The following SEC14L5 variants were observed in gnomAD, a reference collection of about 807,000 sequenced individuals.
The protein encoded by SEC14L5 is SEC14-like protein 5.
A neutral mutation model predicts 84.6 loss-of-function variants in SEC14L5; 96 were observed. That is an observed-to-expected ratio of 1.13 (90% CI 0.96 to 1.34). The LOEUF is 1.34. SEC14L5 is among the 40% of genes most tolerant of loss of function. The probability of loss-of-function intolerance (pLI) is 0.00; values close to 1 mark genes in which losing one functional copy is unlikely to be tolerated. For synonymous variants in SEC14L5, 546 were observed against 383.4 expected (o/e 1.42, Z -4.95); for missense variants, 1,224 against 942.5 (o/e 1.30, Z -3.91).
chr16:4,995,073 AG>A (rs1955595293), intron 6 of SEC14L5, among the ~76,000 whole-genome samples: 1 of 152,150 alleles, frequency 6.6e-6, no homozygotes, highest in African/African-American at 2.4e-5. Flanking sequence ...CTGTTTACCT[AG>A]ATGGCTCCTG....
rs1198067038 is a variant in SEC14L5 at position 5,015,196 on chromosome 16, G to T, written c.*226G>T. On this transcript the variant is annotated 3_prime_UTR_variant, in exon 16 of 16. Transcript: ENST00000251170. The stretch of plus-strand genomic sequence containing the variant: ...GACAGAACCATCTCCTTCCGGCTTC[G>T]TGTAAGGAAGACCAAGCCAAGGCCA... The T allele has an allele frequency of 1.6e-5, 9 of 549,028 alleles. No individual in the cohort carries two copies. The East Asian group carries it at 2.4e-4, about 14-fold the overall frequency. 34.0% of individuals were successfully genotyped at this position (549,028 alleles called of 1,614,324 possible).
rs34324146 is a variant in SEC14L5, at chr16:4,973,680, C to CTTTTTTTTTTTTTTTTTT, written c.64-13874_64-13857dup. Among the ~76,000 whole-genome samples, 2 of 127,110 alleles carry CTTTTTTTTTTTTTTTTTT rather than the reference C, an allele frequency of 1.6e-5. 1 individual carries two copies. The highest frequency in any genetic ancestry group is 3.3e-5 in the Non-Finnish European group (2 of 60,620). The allele number at this position is 127,110 out of a possible 152,430, so 83.4% of individuals were successfully genotyped here. ...TATGTGATTTCTTTTTTCTCTGTCT[C>CTTTTTTTTTTTTTTTTTT]TTTTTTTTTTTTTTTTTTTTGAGAC... On this transcript the variant is annotated intron_variant, in intron 2 of 15. Coordinates refer to ENST00000251170, the MANE Select transcript of SEC14L5 (RefSeq NM_014692.2).
chr16:5,008,643 A>G lies in SEC14L5; in HGVS notation c.1795A>G (p.Ile599Val), dbSNP rs865958336. Residue 599 changes from isoleucine (I) to valine (V), a missense_variant, in exon 14 of 16, where the codon ATC becomes GTC. Transcript: ENST00000251170. ...CCTTGTCTGCCGGGAGGGGGAGAGC[A>G]TCCAGGTTTGCATTTTCTGGACCAC... is the stretch of plus-strand genomic sequence containing the variant. Reference protein sequence around the residue: ...APLVCREGESIQGSHVTRWPG... With the variant: ...APLVCREGESVQGSHVTRWPG... 11 of 1,607,430 alleles carry G rather than the reference A, an allele frequency of 6.8e-6. No homozygotes were observed. In the Middle Eastern group the frequency reaches 1.5e-3, roughly 219 times the overall value.
At chr16:4,999,431 C>T (rs536991501) in intron 8 of SEC14L5, among the ~76,000 whole-genome samples, 344 of 152,128 alleles carry the variant, frequency 2.3e-3, no homozygotes, top group Non-Finnish European at 3.4e-3. Flanking sequence ...ATAGTGAGCT[C>T]GCCCCCCTCC....
intron 2 of SEC14L5, among the ~76,000 whole-genome samples, chr16:4,967,228 C>G (rs1955211920): frequency 1.3e-5 from 2 of 152,208 alleles, no homozygotes; most frequent in Non-Finnish European, 2.9e-5. Context: ...TGCTCCTGGC[C>G]TCTCTCCCAG....
rs760561073 is a variant in SEC14L5, at chr16:5,007,379, C to A, written c.1465C>A (p.Pro489Thr). ...TAATGTCCCCGAAGGAGGGCTGGTC[C>A]CCAAGTCCCTCTACATGACAGAAGA... ...VCNVPEGGLV[P>T]KSLYMTEEEQ... is the part of the protein sequence containing the mutation. Residue 489 changes from proline to threonine, a missense_variant, in exon 13 of 16, where the codon CCC becomes ACC. Coordinates refer to ENST00000251170, the MANE Select transcript of SEC14L5 (RefSeq NM_014692.2). 1 of 1,613,810 alleles carries A rather than the reference C, an allele frequency of 6.2e-7. No homozygotes were observed. Among genetic ancestry groups the A allele is most frequent in the Non-Finnish European group, 8.5e-7 (1 of 1,179,812 alleles).
chr16:4,985,114 A>G (rs914555697), intron 2 of SEC14L5, among the ~76,000 whole-genome samples: 1 of 152,198 alleles, frequency 6.6e-6, no homozygotes, highest in African/African-American at 2.4e-5. Context: ...TTTTGATGCC[A>G]TAAGTAAAAA....
At chr16:4,998,783 T>C (rs561558847) in intron 8 of SEC14L5, among the ~76,000 whole-genome samples, 44 of 146,822 alleles carry the variant, frequency 3.0e-4, no homozygotes, top group African/African-American at 7.3e-4. Context: ...TTCATCTATA[T>C]CAAGTAGGGT....
chr16:4,998,403 T>A (rs182572559), intron 8 of SEC14L5, among the ~76,000 whole-genome samples: 4 of 152,066 alleles, frequency 2.6e-5, no homozygotes, highest in African/African-American at 9.7e-5. Flanking sequence ...AAATTGCCAC[T>A]GAAGCCTGTG....
rs771143985 is a variant in SEC14L5 at position 5,008,665 on chromosome 16, C to T, written c.1800+17C>T. 7 of 1,597,648 alleles carry T rather than the reference C, an allele frequency of 4.4e-6. No individual in the cohort carries two copies. Among genetic ancestry groups the T allele is most frequent in the Non-Finnish European group, 6.0e-6 (7 of 1,169,562 alleles). Reference sequence around the variant, plus strand: ...AGCATCCAGGTTTGCATTTTCTGGACCACTCATTCGCTCACCAAGCAGCAC... The same window carrying T: ...AGCATCCAGGTTTGCATTTTCTGGATCACTCATTCGCTCACCAAGCAGCAC... On this transcript the variant is annotated intron_variant, in intron 14 of 15. Transcript: ENST00000251170.
chr16:5,006,954 C>G (rs1220698345), intron 12 of SEC14L5, among the ~76,000 whole-genome samples: 1 of 152,042 alleles, frequency 6.6e-6, no homozygotes, highest in Admixed American at 6.6e-5. Flanking sequence ...GACTGTTCCA[C>G]CCCCGCCTGT....
chr16:4,997,174 C>A, intron 8 of SEC14L5, 130 bp downstream of exon 8: 1 of 605,922 alleles, frequency 1.7e-6, no homozygotes, highest in Non-Finnish European at 2.6e-6. Context: ...TCTCGGCTCA[C>A]CATAATCTCC....
chr16:4,997,058 C>G lies in SEC14L5; in HGVS notation c.970+14C>G. 1 of 1,589,098 alleles carries G rather than the reference C, an allele frequency of 6.3e-7. No individual in the cohort carries two copies. Among genetic ancestry groups the G allele is most frequent in the South Asian group, 1.1e-5 (1 of 87,984 alleles). ...ACCAGGACATAGGTGCGTGCCTCCA[C>G]CCACATCATGTATAGGGCATACTTT... On this transcript the variant is annotated intron_variant, in intron 8 of 15. Coordinates refer to ENST00000251170, the MANE Select transcript of SEC14L5 (RefSeq NM_014692.2).
rs568095088 is a variant in SEC14L5 at position 5,017,732 on chromosome 16, G to A, written c.*2762G>A. 13 of 152,330 alleles carry A rather than the reference G, an allele frequency of 8.5e-5. 1 individual carries two copies. The highest frequency in any genetic ancestry group is 3.1e-4 in the African/African-American group (13 of 41,580). 9.4% of individuals were successfully genotyped at this position (152,330 alleles called of 1,614,324 possible). On this transcript the variant is annotated 3_prime_UTR_variant, in exon 16 of 16. Coordinates refer to ENST00000251170, the MANE Select transcript of SEC14L5 (RefSeq NM_014692.2). The stretch of plus-strand genomic sequence containing the variant: ...CACAGAACCAGCAGGTATCCATGGT[G>A]GCATCTGCTACGGCCGGCTCTCCTC...
intron 2 of SEC14L5, among the ~76,000 whole-genome samples, chr16:4,962,184 A>G (rs1955130904): frequency 3.3e-5 from 5 of 149,788 alleles, no homozygotes. Context: ...AAAAAAAAAG[A>G]AAAAGAAAAA....
rs1204770547 is a variant in SEC14L5, at chr16:5,016,290, C to G, written c.*1320C>G. ...GACATTTCTCCTTTCCTTTCCTGGA[C>G]TCCCCAAAAGGCAGCCAGTCAGGGG... On this transcript the variant is annotated 3_prime_UTR_variant, in exon 16 of 16. Transcript: ENST00000251170. 6.6e-6 allele frequency: 1 copy of G among 152,202 alleles called. No individual in the cohort carries two copies. The highest frequency in any genetic ancestry group is 1.9e-4 in the East Asian group (1 of 5,192). 9.4% of individuals were successfully genotyped at this position (152,202 alleles called of 1,614,324 possible). A position where few individuals can be genotyped will look rare whatever the true frequency, so the allele number is the denominator to read the frequency against.
At chr16:4,962,076 A>G (rs557633929) in intron 2 of SEC14L5, among the ~76,000 whole-genome samples, 4 of 150,050 alleles carry the variant, frequency 2.7e-5, no homozygotes, top group Middle Eastern at 6.8e-3. Context: ...AATCAAGAAA[A>G]TGGGGGCTGG....
intron 10 of SEC14L5, among the ~76,000 whole-genome samples, chr16:5,002,488 G>T (rs1955687776): frequency 6.6e-6 from 1 of 151,902 alleles, no homozygotes; most frequent in Non-Finnish European, 1.5e-5. Context: ...GTAGAGATGG[G>T]GTTTCACCAT....
chr16:4,977,606 C>T (rs1189619178), intron 2 of SEC14L5, among the ~76,000 whole-genome samples: 4 of 151,842 alleles, frequency 2.6e-5, no homozygotes, highest in South Asian at 2.1e-4. Context: ...ATGTAAATCA[C>T]GGAAAGTGGA....
Sources: allele counts gnomAD v4.1 joint callset (sites outside exome capture counted in the v4.1 genomes callset), GRCh38; gene constraint gnomAD v4.1.1; transcripts MANE v1.5; gene names NCBI Gene and HGNC (gene_info 2026-07-23, HGNC 2026-07-21).